Variants in PSMD1 observed in about 807,000 individuals in gnomAD.
The protein encoded by PSMD1 is proteasome 26S subunit, non-ATPase 1, also known as 26S proteasome non-ATPase regulatory subunit 1.
PSMD1 carries 18 observed loss-of-function variants against 119.0 expected under a neutral mutation model. The observed-to-expected ratio is 0.15, with a 90% confidence interval of 0.10 to 0.22. PSMD1 has a LOEUF of 0.22. PSMD1 is among the 10% of genes least tolerant of loss of function. The pLI, the probability that PSMD1 is intolerant of heterozygous loss-of-function variation, is 1.00. For synonymous variants in PSMD1, 374 were observed against 396.6 expected (o/e 0.94, Z 0.68); for missense variants, 702 against 1,158.5 (o/e 0.61, Z 5.72).
chr2:231,165,764 C>G, intron 22 of PSMD1, 107 bp from the exon 23 acceptor site: 1 of 964,972 alleles, frequency 1.0e-6, no homozygotes, highest in Non-Finnish European at 1.5e-6. Context: ...TTACTACCGA[C>G]CACTACCTCT....
chr2:231,142,364 TTGTA>T (rs1696145033), intron 17 of PSMD1, among the ~76,000 whole-genome samples: 1 of 152,188 alleles, frequency 6.6e-6, no homozygotes, highest in Admixed American at 6.5e-5. Context: ...AAGAATATAG[TTGTA>T]TGTTTTACTA....
chr2:231,128,276 A>G (rs377078401), intron 16 of PSMD1, among the ~76,000 whole-genome samples: 42 of 152,360 alleles, frequency 2.8e-4, no homozygotes, highest in African/African-American at 1.0e-3. Flanking sequence ...GTAATTTATA[A>G]TTTTATGGAG....
intron 16 of PSMD1, among the ~76,000 whole-genome samples, chr2:231,120,586 A>C (rs949203745): frequency 8.5e-5 from 13 of 152,228 alleles, no homozygotes; most frequent in African/African-American, 3.1e-4. Flanking sequence ...ATATGAATTC[A>C]AACCGTATAT....
At chr2:231,060,233 AG>A (rs2125149535) in intron 1 of PSMD1, 1 of 152,344 alleles carries the variant, frequency 6.6e-6, no homozygotes, top group Admixed American at 6.5e-5. Flanking sequence ...TAGAGTACCA[AG>A]AGGTTCTTTA....
intron 16 of PSMD1, among the ~76,000 whole-genome samples, chr2:231,125,584 A>C (rs1365056746): frequency 2.0e-5 from 3 of 152,228 alleles, no homozygotes; most frequent in African/African-American, 7.2e-5. Context: ...GTTTTAGCAG[A>C]AACTTTTTTA....
In PSMD1 at chr2:231,062,689, A is replaced by G. The variant is rs753303608; in HGVS notation, c.304+14A>G. 3.8e-6 allele frequency: 6 copies of G among 1,573,148 alleles called. No homozygotes were observed. Among genetic ancestry groups the G allele is most frequent in the African/African-American group, 2.7e-5 (2 of 73,356 alleles). ...AAACTATTATAGGTAATTATCGTCT[A>G]TCTGGTAAGGCTTTATCTTGTCGGC... On this transcript the variant is annotated intron_variant, in intron 4 of 24. Transcript: ENST00000308696.
Position 231,060,548 on chromosome 2 carries a change from C to A in PSMD1, c.17-719C>A, listed in dbSNP as rs573962472. ...CTTTGACTATATTTCAAGGTGTGTT[C>A]TTTTGGAGAGGACAATTATTCCTTT... On this transcript the variant is annotated intron_variant, in intron 1 of 24. Transcript: ENST00000308696. Among the ~76,000 whole-genome samples, 5 of 152,270 alleles carry A rather than the reference C, an allele frequency of 3.3e-5. No individual in the cohort carries two copies. In the South Asian group the frequency reaches 1.0e-3, roughly 32 times the overall value.
intron 16 of PSMD1, among the ~76,000 whole-genome samples, chr2:231,088,608 A>G (rs1301518890): frequency 6.6e-6 from 1 of 152,154 alleles, no homozygotes; most frequent in Non-Finnish European, 1.5e-5. Flanking sequence ...CACGAACCAC[A>G]CCCATGTAAA....
chr2:231,157,967 G>T lies in PSMD1; in HGVS notation c.2219-3373G>T, dbSNP rs550179515. Among the ~76,000 whole-genome samples, 13 of 152,202 alleles carry T rather than the reference G, an allele frequency of 8.5e-5. 1 individual carries two copies. The highest frequency in any genetic ancestry group is 2.9e-4 in the African/African-American group (12 of 41,528). ...ATATCCTATCCTCGTAGAACACTGT[G>T]CTGCAACTGCGTTAGAAAAATTTGC... On this transcript the variant is annotated intron_variant, in intron 19 of 24. Transcript: ENST00000308696.
chr2:231,107,149 C>T (rs1694996815), intron 16 of PSMD1, among the ~76,000 whole-genome samples: 1 of 152,160 alleles, frequency 6.6e-6, no homozygotes, highest in Non-Finnish European at 1.5e-5. Context: ...ATGATATACT[C>T]TTCCCAGCAG....
intron 16 of PSMD1, among the ~76,000 whole-genome samples, chr2:231,089,199 G>A (rs999785037): frequency 1.3e-5 from 2 of 152,244 alleles, no homozygotes; most frequent in Non-Finnish European, 2.9e-5. Flanking sequence ...TAACATGGAG[G>A]TGCAAGGAGA....
At chr2:231,161,083 G>A (rs1201702008) in intron 19 of PSMD1, among the ~76,000 whole-genome samples, 5 of 151,882 alleles carry the variant, frequency 3.3e-5, no homozygotes, top group South Asian at 2.1e-4. Flanking sequence ...GTGGCGGCCC[G>A]CACATGTAGT....
intron 16 of PSMD1, among the ~76,000 whole-genome samples, chr2:231,119,268 A>G (rs1439040613): frequency 1.3e-5 from 2 of 152,182 alleles, no homozygotes; most frequent in Non-Finnish European, 2.9e-5. Context: ...TCTTACTGCT[A>G]TACATTTGTT....
In PSMD1 at chr2:231,170,611, A is replaced by G. The variant is rs771307405; in HGVS notation, c.2761A>G (p.Ile921Val). The G allele has an allele frequency of 6.2e-7, 1 of 1,614,148 alleles. No homozygotes were observed. The highest frequency in any genetic ancestry group is 1.1e-5 in the South Asian group (1 of 91,080). Residue 921 changes from isoleucine to valine, a missense_variant, in exon 24 of 25, where the codon ATT (isoleucine) becomes GTT (valine). Coordinates refer to ENST00000308696, the MANE Select transcript of PSMD1 (RefSeq NM_002807.4). The surrounding 1 kb of genome is among the most constrained non-coding windows in gnomAD (Gnocchi z 4.1). ...CATTCTGAAGGATACCAGTGAAGAC[A>G]TTGAGGAGCTGGTGGAACCTGTGGC... Reference protein sequence around the residue: ...IIILKDTSEDIEELVEPVAAH... With the variant: ...IIILKDTSEDVEELVEPVAAH...
At position 231,061,296 on chromosome 2, in the gene PSMD1, G is replaced by T; in HGVS notation, c.46G>T (p.Glu16Ter). 6.3e-7 allele frequency: 1 copy of T among 1,597,078 alleles called. No individual in the cohort carries two copies. Among genetic ancestry groups the T allele is most frequent in the South Asian group, 1.1e-5 (1 of 89,906 alleles). ...AATTATTTCTCTTCTGGATGAAGAT[G>T]AACCACAGCTTAAGGTATGAATTGA... ...AGIISLLDED[E>*]PQLKEFALHK... Residue 16 changes from glutamate to a stop codon, truncating the protein, a stop_gained, in exon 2 of 25, where the codon GAA (glutamate) becomes TAA (stop). Transcript: ENST00000308696. LOFTEE classifies it high-confidence loss of function.
chr2:231,121,389 T>G (rs1286427472), intron 16 of PSMD1, among the ~76,000 whole-genome samples: 1 of 152,060 alleles, frequency 6.6e-6, no homozygotes, highest in Non-Finnish European at 1.5e-5. Flanking sequence ...AAAAATAAAT[T>G]TAAAGTTAAT....
rs151270856 is a variant in PSMD1, at chr2:231,128,047, C to T, written c.1884-10689C>T. Among the ~76,000 whole-genome samples, 877 of 152,284 alleles carry T rather than the reference C, an allele frequency of 5.8e-3. 7 individuals are homozygous for T. The highest frequency in any genetic ancestry group is 7.5e-3 in the Non-Finnish European group (508 of 68,018). On this transcript the variant is annotated intron_variant, in intron 16 of 24. Transcript: ENST00000308696. ...AGATTCTGTCTTTGACCGAAAAGGG[C>T]AGTCTAATATTCTTTATAGGTCTAG...
intron 21 of PSMD1, 164 bp from the exon 22 acceptor site, chr2:231,165,036 A>ATATT (rs1696735431): frequency 2.1e-4 from 2 of 9,558 alleles, no homozygotes; most frequent in African/African-American, 1.0e-3. Context: ...ATATATATTT[A>ATATT]TATATATATA....
rs201950921 is a variant in PSMD1 at position 231,078,761 on chromosome 2, T to G, written c.1160+14T>G. The G allele has an allele frequency of 6.5e-6, 10 of 1,537,950 alleles. No homozygotes were observed. Among genetic ancestry groups the G allele is most frequent in the Middle Eastern group, 3.5e-4 (2 of 5,760 alleles). ...CCAGTTTCTTAGGTAAATATGCTTG[T>G]TGATTTTCACTTTGGTTCAAAATCT... is the stretch of plus-strand genomic sequence containing the variant. On this transcript the variant is annotated intron_variant, in intron 10 of 24. Transcript: ENST00000308696.
Sources: allele counts gnomAD v4.1 joint callset (sites outside exome capture counted in the v4.1 genomes callset), GRCh38; gene constraint gnomAD v4.1.1; non-coding constraint Gnocchi (gnomAD v3.1); transcripts MANE v1.5; gene names NCBI Gene and HGNC (gene_info 2026-07-23, HGNC 2026-07-21).